Variants in SLC14A2 observed in about 807,000 individuals in gnomAD.
SLC14A2 encodes urea transporter 2.
Under a neutral mutation model 104.6 loss-of-function variants are expected in SLC14A2, and 91 were observed. The ratio of observed to expected loss-of-function variants is 0.87; its 90% CI spans 0.73 to 1.04. SLC14A2 has a LOEUF of 1.04. Ranked by LOEUF, SLC14A2 falls within the 50% of genes least tolerant of loss-of-function variation. The pLI is 0.00. For missense variants in SLC14A2, 1,189 were observed against 1,156.0 expected (o/e 1.03, Z -0.41); for synonymous variants, 476 against 466.4 (o/e 1.02, Z -0.27).
intron 1 of SLC14A2, among the ~76,000 whole-genome samples, chr18:45,431,720 C>A (rs2086518537): frequency 6.6e-6 from 1 of 152,148 alleles, no homozygotes; most frequent in Admixed American, 6.5e-5. Flanking sequence ...AAGCAGTGCC[C>A]ACAGGTCAGT....
chr18:45,222,788 G>A (rs1403940806), intron 1 of SLC14A2, among the ~76,000 whole-genome samples: 1 of 152,154 alleles, frequency 6.6e-6, no homozygotes, highest in African/African-American at 2.4e-5. Flanking sequence ...TTATCCACTT[G>A]CTTGGATCGA....
At chr18:45,469,334 A>G (rs2852285) in intron 1 of SLC14A2, among the ~76,000 whole-genome samples, 34,473 of 152,232 alleles carry the variant, frequency 0.23, 4,079 homozygotes, top group Non-Finnish European at 0.27. Context: ...AGACCCTGGA[A>G]CAAAGGAGCT....
chr18:45,569,322 CT>C (rs1237217122), intron 2 of SLC14A2, among the ~76,000 whole-genome samples: 2 of 152,230 alleles, frequency 1.3e-5, no homozygotes, highest in African/African-American at 4.8e-5. Flanking sequence ...TCTCAACTAT[CT>C]CCCTATTTGA....
intron 2 of SLC14A2, among the ~76,000 whole-genome samples, chr18:45,582,724 T>A (rs1462369087): frequency 6.6e-6 from 1 of 152,166 alleles, no homozygotes; most frequent in Non-Finnish European, 1.5e-5. Context: ...TCACTATCTG[T>A]GACTTACTCC....
At chr18:45,555,527 A>C (rs1046149392) in intron 2 of SLC14A2, among the ~76,000 whole-genome samples, 1 of 152,230 alleles carries the variant, frequency 6.6e-6, no homozygotes, top group Admixed American at 6.5e-5. Context: ...CTACAGAAAA[A>C]AAGCTCAACA....
At chr18:45,192,780 C>T in the SLC14A2 span, among the ~76,000 whole-genome samples, 1 of 152,044 alleles carries the variant, frequency 6.6e-6, no homozygotes, top group South Asian at 2.1e-4. Flanking sequence ...CCTCAGCCTC[C>T]CGAGTAGCTG....
At chr18:45,640,303 A>G (rs1214050469) in intron 7 of SLC14A2, among the ~76,000 whole-genome samples, 1 of 151,518 alleles carries the variant, frequency 6.6e-6, no homozygotes, top group African/African-American at 2.4e-5. Flanking sequence ...ATGTGGAGAG[A>G]TGCAAGGGGG....
chr18:45,268,964 T>TTGTTTGTGTGTGTGTG (rs1555670629), intron 1 of SLC14A2, among the ~76,000 whole-genome samples: 1 of 143,466 alleles, frequency 7.0e-6, no homozygotes, highest in Non-Finnish European at 1.5e-5. Context: ...GTTGGTGTGT[T>TTGTTTGTGTGTGTGTG]TGTGTGTGTG....
At chr18:45,662,308 A>G (rs1396112217) in intron 10 of SLC14A2, among the ~76,000 whole-genome samples, 1 of 152,184 alleles carries the variant, frequency 6.6e-6, no homozygotes, top group Non-Finnish European at 1.5e-5. Context: ...TCTTAGAAAA[A>G]AAAAAGTGTA....
intron 1 of SLC14A2, among the ~76,000 whole-genome samples, chr18:45,282,042 T>C (rs1265825059): frequency 1.3e-5 from 2 of 152,188 alleles, no homozygotes; most frequent in Non-Finnish European, 2.9e-5. Context: ...GTGCCTGGAA[T>C]GCTGAGTCTT....
At chr18:45,301,371 A>T (rs903403744) in intron 1 of SLC14A2, among the ~76,000 whole-genome samples, 1 of 152,166 alleles carries the variant, frequency 6.6e-6, no homozygotes, top group African/African-American at 2.4e-5. Flanking sequence ...GTGGGAGATG[A>T]CCACTTCCAG....
chr18:45,426,742 C>T (rs1238503667), intron 1 of SLC14A2, among the ~76,000 whole-genome samples: 1 of 150,428 alleles, frequency 6.6e-6, no homozygotes, highest in South Asian at 2.1e-4. Flanking sequence ...CATACATACA[C>T]GCTTAATGGA....
At chr18:45,331,979 C>T (rs768551199) in intron 1 of SLC14A2, among the ~76,000 whole-genome samples, 2 of 152,196 alleles carry the variant, frequency 1.3e-5, no homozygotes, top group Non-Finnish European at 2.9e-5. Context: ...TGAGAAGCCT[C>T]ATCTCTGCTC....
At chr18:45,414,990 G>T (rs967731920) in intron 1 of SLC14A2, among the ~76,000 whole-genome samples, 2 of 151,732 alleles carry the variant, frequency 1.3e-5, no homozygotes, top group Admixed American at 1.3e-4. Flanking sequence ...AAATTACAAG[G>T]GTGCCTGCTT....
At chr18:45,595,536 CA>C (rs544977671) in intron 2 of SLC14A2, among the ~76,000 whole-genome samples, 152 of 152,224 alleles carry the variant, frequency 1.0e-3, no homozygotes, top group Middle Eastern at 3.4e-3. Flanking sequence ...GGTACGCAGG[CA>C]TTAAGTGAAT....
At chr18:45,539,988 G>A (rs2043860888) in intron 2 of SLC14A2, among the ~76,000 whole-genome samples, 1 of 152,164 alleles carries the variant, frequency 6.6e-6, no homozygotes, top group Non-Finnish European at 1.5e-5. Flanking sequence ...AATACGGGGT[G>A]CTGAGCAATA....
At chr18:45,454,147 T>C (rs978856937) in intron 1 of SLC14A2, among the ~76,000 whole-genome samples, 3 of 152,130 alleles carry the variant, frequency 2.0e-5, no homozygotes, top group South Asian at 2.1e-4. Context: ...TGTGAGCCAC[T>C]GTACCCAGCC....
chr18:45,622,141 C>A (rs547924650), intron 1 of SLC14A2, among the ~76,000 whole-genome samples: 1 of 152,268 alleles, frequency 6.6e-6, no homozygotes, highest in Non-Finnish European at 1.5e-5. Context: ...GCAACTCTTC[C>A]CTGCGGGGCA....
chr18:45,363,949 A>G (rs183652669), intron 1 of SLC14A2, among the ~76,000 whole-genome samples: 213 of 152,276 alleles, frequency 1.4e-3, no homozygotes, highest in African/African-American at 4.6e-3. Flanking sequence ...CCTCCCCAGA[A>G]TGGCCTCCTT....
Sources: allele counts gnomAD v4.1 joint callset (sites outside exome capture counted in the v4.1 genomes callset), GRCh38; gene constraint gnomAD v4.1.1; transcripts MANE v1.5; gene names NCBI Gene and HGNC (gene_info 2026-07-23, HGNC 2026-07-21).